FLI1: variants seen among roughly 807,000 people sequenced by gnomAD.
FLI1 encodes the protein Fli-1 proto-oncogene, ETS transcription factor.
A neutral mutation model predicts 53.1 loss-of-function variants in FLI1; 13 were observed. The observed-to-expected ratio is 0.24, with a 90% confidence interval of 0.16 to 0.39. The LOEUF (loss-of-function observed/expected upper bound fraction) is 0.39, where lower values mean the gene tolerates loss of function less well. Among genes scored for constraint, FLI1 ranks in the 10% least tolerant of loss-of-function variants. The pLI, the probability that FLI1 is intolerant of heterozygous loss-of-function variation, is 1.00. For missense variants in FLI1, 424 were observed against 600.5 expected, an observed-to-expected ratio of 0.71 and a Z score of 3.07; for synonymous variants, 244 against 236.7, an observed-to-expected ratio of 1.03 and a Z score of -0.28.
chr11:128,751,430 G>T (rs948086425), intron 1 of FLI1, among the ~76,000 whole-genome samples: 1 of 151,082 alleles, frequency 6.6e-6, no homozygotes, highest in African/African-American at 2.4e-5. Context: ...GCTCACTGCA[G>T]CCTCCACCTC....
At chr11:128,753,815 TG>T (rs1232700008) in intron 1 of FLI1, among the ~76,000 whole-genome samples, 3 of 152,226 alleles carry the variant, frequency 2.0e-5, no homozygotes, top group Non-Finnish European at 2.9e-5. Context: ...GTCCCTACTC[TG>T]GTCTTCCCAG....
rs1940975539 is a variant in FLI1 at position 128,758,315 on chromosome 11, G to T, written c.219G>T (p.Met73Ile). Residue 73 changes from methionine (M) to isoleucine (I), a missense_variant, in exon 2 of 9, where the codon ATG (methionine) becomes ATT (isoleucine). By Grantham distance (10) the Met-to-Ile change is conservative (BLOSUM62 1). Around this residue, in one of 5 missense-constraint regions of FLI1, gnomAD observed 137 missense variants for 169.1 expected, o/e 0.81. Coordinates refer to ENST00000527786, the MANE Select transcript of FLI1 (RefSeq NM_002017.5). ...RVNVKREYDHMNGSRESPVDC... is the reference protein window; with the variant it reads ...RVNVKREYDHINGSRESPVDC... ...ACGTCAAGCGGGAGTATGACCACAT[G>T]AATGGATCCAGGTAAGCTCACCAGG... 1 of 1,612,978 alleles carries T rather than the reference G, an allele frequency of 6.2e-7. No homozygotes were observed. The highest frequency in any genetic ancestry group is 8.5e-7 in the Non-Finnish European group (1 of 1,179,380).
chr11:128,743,512 C>T (rs767891592), intron 1 of FLI1, among the ~76,000 whole-genome samples: 9 of 151,650 alleles, frequency 5.9e-5, no homozygotes, highest in Non-Finnish European at 8.8e-5. Flanking sequence ...ATTTTTGAGG[C>T]GGTTTGGGAC....
chr11:128,727,091 G>C (rs1196885484), intron 1 of FLI1, among the ~76,000 whole-genome samples: 1 of 152,148 alleles, frequency 6.6e-6, no homozygotes, highest in Non-Finnish European at 1.5e-5. Flanking sequence ...ATCCTCTTCT[G>C]TATTAGTAAT....
rs139960128 is a variant in FLI1, at chr11:128,763,161, G to A, written c.230+4835G>A. ...GTCTCTGGTGGGAAGGAGGTGTGCG[G>A]TGCACCTGAAGCTACCATGCCCACT... On this transcript the variant is annotated intron_variant, in intron 2 of 8. Transcript: ENST00000527786. 2.6e-5 allele frequency among the ~76,000 whole-genome samples: 4 copies of A among 152,254 alleles called. No homozygotes were observed. The East Asian group carries it at 7.7e-4, about 29-fold the overall frequency.
At chr11:128,702,326 C>G (rs2135703896) in intron 1 of FLI1, among the ~76,000 whole-genome samples, 1 of 152,316 alleles carries the variant, frequency 6.6e-6, no homozygotes, top group South Asian at 2.1e-4. Flanking sequence ...TGATTTTTAG[C>G]TCTGAGTATT....
At chr11:128,693,925 AGAG>A (rs955665819), upstream of FLI1, 13 of 273,296 alleles carry the variant, frequency 4.8e-5, no homozygotes, top group Non-Finnish European at 8.2e-5. Flanking sequence ...GAGAGAAGAG[AGAG>A]GAGAGCTCGA....
intron 5 of FLI1, among the ~76,000 whole-genome samples, chr11:128,800,538 A>G (rs1161083467): frequency 1.3e-5 from 2 of 152,208 alleles, no homozygotes; most frequent in African/African-American, 4.8e-5. Flanking sequence ...GGACCAGGTT[A>G]AAAGCTTCAC....
chr11:128,696,163 G>C (rs1938064352), intron 1 of FLI1: 1 of 152,296 alleles, frequency 6.6e-6, no homozygotes, highest in Non-Finnish European at 1.5e-5. Flanking sequence ...AAGGATGGGA[G>C]TGAAAGTCCT....
chr11:128,802,778 C>G (rs138689634), intron 5 of FLI1, among the ~76,000 whole-genome samples: 10 of 152,372 alleles, frequency 6.6e-5, no homozygotes, highest in African/African-American at 2.2e-4. Flanking sequence ...TGCCTTTAAC[C>G]AGGCTCCATC....
intron 5 of FLI1, among the ~76,000 whole-genome samples, chr11:128,790,952 G>A (rs1942252784): frequency 6.6e-6 from 1 of 152,082 alleles, no homozygotes; most frequent in African/African-American, 2.4e-5. Context: ...GGCACAACTA[G>A]GGGTGACCAC....
At chr11:128,768,939 G>A (rs1941454616) in intron 3 of FLI1, among the ~76,000 whole-genome samples, 1 of 152,212 alleles carries the variant, frequency 6.6e-6, no homozygotes, top group South Asian at 2.1e-4. Flanking sequence ...TGAGGAGGAG[G>A]TCAGCTGCAG....
At chr11:128,743,727 G>GC (rs147229029) in intron 1 of FLI1, among the ~76,000 whole-genome samples, 27,480 of 152,054 alleles carry the variant, frequency 0.18, 2,839 homozygotes, top group Admixed American at 0.34. Context: ...CCAGTCCCAA[G>GC]CCCCCAGGAA....
At chr11:128,805,871 A>C in intron 6 of FLI1, 5 of 154,704 alleles carry the variant, frequency 3.2e-5, no homozygotes, top group South Asian at 2.0e-4. Flanking sequence ...TGGTGGAGAA[A>C]TTGATGTCTC....
intron 4 of FLI1, among the ~76,000 whole-genome samples, chr11:128,774,661 A>C (rs926408650): frequency 1.3e-5 from 2 of 152,178 alleles, no homozygotes; most frequent in African/African-American, 4.8e-5. Flanking sequence ...CATGCTCTGA[A>C]CTGTTAGTTA....
intron 5 of FLI1, among the ~76,000 whole-genome samples, chr11:128,795,326 G>A (rs1942401387): frequency 6.6e-6 from 1 of 152,146 alleles, no homozygotes; most frequent in Non-Finnish European, 1.5e-5. Context: ...CCTAATTACA[G>A]ATTACCTTGT....
intron 1 of FLI1, among the ~76,000 whole-genome samples, chr11:128,717,320 AT>A (rs1939057171): frequency 1.3e-5 from 2 of 152,206 alleles, no homozygotes; most frequent in Admixed American, 1.3e-4. Context: ...GACCTCACTA[AT>A]AGAAAAGCAC....
intron 1 of FLI1, among the ~76,000 whole-genome samples, chr11:128,719,867 G>A (rs1027631949): frequency 3.9e-5 from 6 of 152,178 alleles, no homozygotes; most frequent in African/African-American, 1.2e-4. Flanking sequence ...TGAGAAACAG[G>A]ACTAAGTTAG....
At chr11:128,707,360 A>C (rs1363116466) in intron 1 of FLI1, among the ~76,000 whole-genome samples, 2 of 152,200 alleles carry the variant, frequency 1.3e-5, no homozygotes, top group East Asian at 3.8e-4. Flanking sequence ...CCTCTTTCTC[A>C]AATACGGTCT....
Sources: allele counts gnomAD v4.1 joint callset (sites outside exome capture counted in the v4.1 genomes callset), GRCh38; gene constraint gnomAD v4.1.1; regional missense constraint gnomAD v4.1.1; transcripts MANE v1.5; gene names NCBI Gene and HGNC (gene_info 2026-07-23, HGNC 2026-07-21).